MATN2: variants seen among roughly 807,000 people sequenced by gnomAD.
The protein encoded by MATN2 is matrilin 2, also known as matrilin-2.
A neutral mutation model predicts 103.2 loss-of-function variants in MATN2; 69 were observed. The observed-to-expected ratio is 0.67, with a 90% CI of 0.55 to 0.82. MATN2 has a LOEUF of 0.82. MATN2 is among the 40% of genes least tolerant of loss of function. The pLI, the probability that MATN2 is intolerant of heterozygous loss-of-function variation, is 0.00. For synonymous variants in MATN2, 429 were observed against 450.2 expected (o/e 0.95, Z 0.60); for missense variants, 1,023 against 1,211.5 (o/e 0.84, Z 2.31).
intron 13 of MATN2, among the ~76,000 whole-genome samples, chr8:98,026,338 C>A (rs1021045296): frequency 1.3e-5 from 2 of 151,210 alleles, no homozygotes; most frequent in African/African-American, 4.9e-5. Flanking sequence ...TAGCTTACTG[C>A]AACCTGTAAT....
chr8:97,946,649 C>T (rs1333413851), intron 4 of MATN2, among the ~76,000 whole-genome samples: 2 of 152,112 alleles, frequency 1.3e-5, no homozygotes, highest in East Asian at 3.8e-4. Flanking sequence ...AAGGAATTTT[C>T]CCTTTCTTCT....
intron 4 of MATN2, among the ~76,000 whole-genome samples, chr8:97,945,367 A>C (rs1353821555): frequency 6.6e-6 from 1 of 152,192 alleles, no homozygotes; most frequent in African/African-American, 2.4e-5. Flanking sequence ...CGATTTACCC[A>C]AGCTCACATG....
chr8:97,940,940 C>T (rs1157399534), intron 3 of MATN2, among the ~76,000 whole-genome samples: 2 of 151,990 alleles, frequency 1.3e-5, no homozygotes, highest in Admixed American at 6.6e-5. Flanking sequence ...GGGAGGATTG[C>T]TTGAGCCCAG....
intron 7 of MATN2, among the ~76,000 whole-genome samples, chr8:97,996,819 T>C (rs543084333): frequency 6.6e-6 from 1 of 152,338 alleles, no homozygotes; most frequent in Non-Finnish European, 1.5e-5. Context: ...TGAGGTCTCT[T>C]GAGTGATCTG....
rs1032876251 is a variant in MATN2 at position 97,964,488 on chromosome 8, C to T, written c.958+2958C>T. ...CTTTTTTTTGAGATTGAGTCTTGCT[C>T]TGTTGCCCAGGCCATGATCACAGCT... On this transcript the variant is annotated intron_variant, in intron 5 of 18. Transcript: ENST00000254898. Among the ~76,000 whole-genome samples the T allele has an allele frequency of 2.1e-5, 3 of 145,612 alleles. No individual in the cohort carries two copies. In the Admixed American group the frequency reaches 2.3e-4, roughly 11 times the overall value.
At chr8:97,952,466 G>A (rs369577064) in intron 4 of MATN2, among the ~76,000 whole-genome samples, 14 of 152,276 alleles carry the variant, frequency 9.2e-5, no homozygotes, top group Admixed American at 7.8e-4. Context: ...CCCATGCTCC[G>A]TGCTCCCCCC....
At chr8:98,020,507 A>G (rs1397017347) in intron 12 of MATN2, among the ~76,000 whole-genome samples, 3 of 152,244 alleles carry the variant, frequency 2.0e-5, no homozygotes, top group African/African-American at 4.8e-5. Context: ...TTCATTCAAC[A>G]CATTTATTGC....
chr8:97,956,601 C>T (rs566973409), intron 4 of MATN2, among the ~76,000 whole-genome samples: 16 of 152,282 alleles, frequency 1.1e-4, no homozygotes, highest in African/African-American at 3.6e-4. Flanking sequence ...GTTGCCATGG[C>T]AATGGTAAAC....
intron 5 of MATN2, among the ~76,000 whole-genome samples, chr8:97,973,456 C>T (rs894064107): frequency 1.1e-4 from 16 of 151,940 alleles, no homozygotes; most frequent in African/African-American, 3.9e-4. Context: ...GCAAACCCAC[C>T]TTAGTCATTT....
intron 5 of MATN2, among the ~76,000 whole-genome samples, chr8:97,977,235 CAAAAAAAAAAAAAAAAA>C (rs34634037): frequency 1.1e-4 from 4 of 35,924 alleles, no homozygotes; most frequent in East Asian, 1.4e-3. Flanking sequence ...GACCCTGTCT[CAAAAAAAAAAAAAAAAA>C]AAAAAAAAAA....
rs536274639 is a variant in MATN2 at position 97,903,007 on chromosome 8, G to A, written c.142+14765G>A. 3.1e-3 allele frequency among the ~76,000 whole-genome samples: 478 copies of A among 152,242 alleles called. 1 individual carries two copies. The highest frequency in any genetic ancestry group is 5.2e-3 in the Non-Finnish European group (356 of 68,012). On this transcript the variant is annotated intron_variant, in intron 2 of 18. Coordinates refer to ENST00000254898, the MANE Select transcript of MATN2 (RefSeq NM_002380.5). ...GTACCCAGGGACTGTGAGACTCCTG[G>A]GATGTTATAGTCCCCATGCTAGCAG...
intron 5 of MATN2, among the ~76,000 whole-genome samples, chr8:97,968,236 A>G (rs143330744): frequency 4.0e-4 from 61 of 152,264 alleles, no homozygotes; most frequent in African/African-American, 1.4e-3. Flanking sequence ...TGGGCCTTTG[A>G]TGGGGAGTGG....
At chr8:97,935,097 T>C (rs1343361077) in intron 3 of MATN2, among the ~76,000 whole-genome samples, 1 of 152,174 alleles carries the variant, frequency 6.6e-6, no homozygotes, top group African/African-American at 2.4e-5. Flanking sequence ...ATCTTTTTTT[T>C]TTCTTTCTAA....
At chr8:97,940,113 T>C (rs1810505002) in intron 3 of MATN2, among the ~76,000 whole-genome samples, 1 of 152,294 alleles carries the variant, frequency 6.6e-6, no homozygotes, top group South Asian at 2.1e-4. Context: ...TAGGTGCTAT[T>C]TTTATTCTCA....
chr8:97,942,188 C>T (rs1326191511), intron 4 of MATN2, among the ~76,000 whole-genome samples: 2 of 152,194 alleles, frequency 1.3e-5, no homozygotes. Flanking sequence ...CAAGCTTGTT[C>T]TTTAGCAGGG....
At chr8:97,962,290 T>A (rs1490590108) in intron 5 of MATN2, among the ~76,000 whole-genome samples, 1 of 152,260 alleles carries the variant, frequency 6.6e-6, no homozygotes, top group Non-Finnish European at 1.5e-5. Flanking sequence ...ATGTAAATTT[T>A]CTGCTAAATC....
chr8:98,008,591 C>G (rs1369851062), intron 10 of MATN2, among the ~76,000 whole-genome samples: 1 of 152,172 alleles, frequency 6.6e-6, no homozygotes, highest in Admixed American at 6.5e-5. Flanking sequence ...ATCCTTGGAT[C>G]TTAGCAAATG....
intron 10 of MATN2, among the ~76,000 whole-genome samples, chr8:98,008,903 T>G (rs565525840): frequency 6.6e-6 from 1 of 152,282 alleles, no homozygotes; most frequent in African/African-American, 2.4e-5. Flanking sequence ...TCATGAGCCC[T>G]TCTAAACAAA....
intron 5 of MATN2, among the ~76,000 whole-genome samples, chr8:97,974,976 A>G (rs1376685156): frequency 2.0e-5 from 3 of 152,200 alleles, no homozygotes; most frequent in Non-Finnish European, 4.4e-5. Flanking sequence ...CAAGTTCTCA[A>G]GCGATGGTTG....
Sources: gnomAD v4.1 joint callset for allele counts (sites outside exome capture counted in the v4.1 genomes callset) on GRCh38, gnomAD v4.1.1 for gene constraint, MANE v1.5 for transcripts, NCBI Gene and HGNC (gene_info 2026-07-23, HGNC 2026-07-21) for gene names.